HEPHL1: variants seen among roughly 807,000 people sequenced by gnomAD.
HEPHL1 encodes the protein hephaestin like 1, also known as ferroxidase HEPHL1.
HEPHL1 carries 123 observed loss-of-function variants against 122.0 expected under a neutral mutation model. That is an observed-to-expected ratio of 1.01 (90% CI 0.87 to 1.17). The LOEUF is 1.17. HEPHL1 is among the 50% of genes most tolerant of loss of function. The pLI is 0.00. For synonymous variants in HEPHL1, 527 were observed against 508.9 expected, an observed-to-expected ratio of 1.04 and a Z score of -0.48; for missense variants, 1,452 against 1,430.5, an observed-to-expected ratio of 1.01 and a Z score of -0.24.
chr11:94,054,375 C>T (rs540444729), intron 2 of HEPHL1, among the ~76,000 whole-genome samples: 4 of 152,266 alleles, frequency 2.6e-5, no homozygotes, highest in African/African-American at 7.2e-5. Context: ...TAAGTCCATC[C>T]GGGTATTAGG....
At chr11:94,036,426 G>A (rs892813039) in intron 1 of HEPHL1, among the ~76,000 whole-genome samples, 4 of 152,200 alleles carry the variant, frequency 2.6e-5, no homozygotes, top group African/African-American at 9.7e-5. Flanking sequence ...TATGCTGAGA[G>A]GGGTGAGGGA....
intron 2 of HEPHL1, among the ~76,000 whole-genome samples, chr11:94,057,954 G>A (rs1415006437): frequency 1.3e-5 from 2 of 151,882 alleles, no homozygotes; most frequent in Admixed American, 1.3e-4. Flanking sequence ...TCTTTGTTTA[G>A]TAACCTGTGG....
intron 1 of HEPHL1, among the ~76,000 whole-genome samples, chr11:94,035,195 G>A (rs1167090889): frequency 1.3e-5 from 2 of 152,154 alleles, no homozygotes; most frequent in African/African-American, 4.8e-5. Context: ...TTTGAGTAAG[G>A]TATTGAGGTG....
intron 2 of HEPHL1, chr11:94,055,815 T>C: frequency 1.3e-5 from 6 of 446,684 alleles, no homozygotes; most frequent in South Asian, 1.2e-4. Flanking sequence ...GAAAATGAGT[T>C]CCTTTCCATA....
chr11:94,088,944 A>G lies in HEPHL1; in HGVS notation c.2270A>G (p.Gln757Arg), dbSNP rs1207660007. 6.2e-7 allele frequency: 1 copy of G among 1,614,018 alleles called. No homozygotes were observed. The change falls in exon 12 of 20, where the codon CAG (glutamine) becomes CGG (arginine). Residue 757 changes from glutamine (Q) to arginine (R), a missense_variant. Gln to Arg is a conservative substitution (Grantham distance 43). Transcript: ENST00000315765. Reference protein sequence around the residue: ...APNKNWEFEKQHVDARGERHG... With the variant: ...APNKNWEFEKRHVDARGERHG... Reference sequence around the variant, plus strand: ...AACAAAAACTGGGAGTTCGAAAAGCAGCACGTGGACGCAAGAGGGGAAAGG... The same window carrying G: ...AACAAAAACTGGGAGTTCGAAAAGCGGCACGTGGACGCAAGAGGGGAAAGG...
intron 2 of HEPHL1, among the ~76,000 whole-genome samples, chr11:94,054,352 C>T (rs958691718): frequency 6.6e-6 from 1 of 152,182 alleles, no homozygotes; most frequent in African/African-American, 2.4e-5. Context: ...TCTAGGGCTC[C>T]TCTTGCACTA....
intron 13 of HEPHL1, among the ~76,000 whole-genome samples, chr11:94,100,101 G>A (rs960137757): frequency 2.6e-4 from 40 of 152,104 alleles, no homozygotes; most frequent in Non-Finnish European, 5.4e-4. Flanking sequence ...CTTCTGCGTC[G>A]CTCACACTGG....
chr11:94,106,536 C>G (rs1037001428), intron 17 of HEPHL1, among the ~76,000 whole-genome samples: 9 of 151,980 alleles, frequency 5.9e-5, no homozygotes, highest in Non-Finnish European at 1.2e-4. Context: ...ACCTCGTGAT[C>G]TGCCCGCCTC....
chr11:94,104,790 G>A, intron 16 of HEPHL1, 40 bp downstream of exon 16: 1 of 1,433,006 alleles, frequency 7.0e-7, no homozygotes, highest in African/African-American at 1.4e-5. Context: ...GTTGAGATAA[G>A]CTCATAGGAA....
chr11:94,048,205 T>C (rs1945857644), intron 2 of HEPHL1, among the ~76,000 whole-genome samples: 1 of 152,334 alleles, frequency 6.6e-6, no homozygotes, highest in East Asian at 1.9e-4. Flanking sequence ...TGCATGTATA[T>C]ACCACACTTT....
intron 2 of HEPHL1, among the ~76,000 whole-genome samples, chr11:94,057,554 C>T (rs1007876762): frequency 6.6e-6 from 1 of 151,958 alleles, no homozygotes; most frequent in Non-Finnish European, 1.5e-5. Flanking sequence ...TGTTGAGCTC[C>T]TCTAGTATTT....
At chr11:94,062,051 G>A (rs1418042176) in intron 2 of HEPHL1, among the ~76,000 whole-genome samples, 1 of 152,034 alleles carries the variant, frequency 6.6e-6, no homozygotes, top group African/African-American at 2.4e-5. Context: ...AACTAATTAT[G>A]TAGCATATAG....
In HEPHL1 at chr11:94,104,686, T is replaced by C; in HGVS notation, c.2841T>C (p.Tyr947=). The change falls in exon 16 of 20, where the codon TAT becomes TAC. Residue 947 remains tyrosine (Y), a synonymous_variant. Transcript: ENST00000315765. ...SWYLDDNIKK[Y]LNKDPRDFKR... ...ATCTGGATGACAATATTAAGAAGTA[T>C]CTCAACAAAGATCCACGAGATTTTA... The C allele has an allele frequency of 6.2e-7, 1 of 1,613,920 alleles. No individual in the cohort carries two copies. Among genetic ancestry groups the C allele is most frequent in the African/African-American group, 1.3e-5 (1 of 75,050 alleles).
intron 9 of HEPHL1, among the ~76,000 whole-genome samples, chr11:94,079,897 G>A (rs990393130): frequency 5.9e-5 from 9 of 151,964 alleles, no homozygotes; most frequent in Admixed American, 2.0e-4. Flanking sequence ...AGCATTGAGG[G>A]ATAGAAAGGA....
intron 4 of HEPHL1, among the ~76,000 whole-genome samples, chr11:94,065,412 G>A (rs533822730): frequency 9.8e-5 from 15 of 152,298 alleles, no homozygotes; most frequent in Non-Finnish European, 1.8e-4. Flanking sequence ...GATAATTAAT[G>A]CCAGAGAGTT....
chr11:94,071,329 C>T (rs1181161830), intron 6 of HEPHL1, among the ~76,000 whole-genome samples: 2 of 49,414 alleles, frequency 4.0e-5, no homozygotes, highest in Admixed American at 6.1e-4. Context: ...TTTAATTGTA[C>T]ATTTTATTCA....
At position 94,073,093 on chromosome 11, in the gene HEPHL1, C is replaced by T; in HGVS notation, c.1301C>T (p.Thr434Ile). 1.2e-6 allele frequency: 2 copies of T among 1,613,050 alleles called. No homozygotes were observed. The highest frequency in any genetic ancestry group is 1.7e-6 in the Non-Finnish European group (2 of 1,179,314). Residue 434 changes from threonine to isoleucine, a missense_variant, in exon 7 of 20, where the codon ACT (threonine) becomes ATT (isoleucine). By Grantham distance (89) the Thr-to-Ile change is moderately conservative (BLOSUM62 -1). Coordinates refer to ENST00000315765, the MANE Select transcript of HEPHL1 (RefSeq NM_001098672.2). ...IGGKYWKVRYTEFVDATFTKR... is the reference protein window; with the variant it reads ...IGGKYWKVRYIEFVDATFTKR... ...GGAAAATACTGGAAGGTTCGGTATACTGAATTTGTTGATGCAACTTTTACT... is the reference window on the plus strand; with the variant it reads ...GGAAAATACTGGAAGGTTCGGTATATTGAATTTGTTGATGCAACTTTTACT...
intron 9 of HEPHL1, among the ~76,000 whole-genome samples, chr11:94,080,537 C>A (rs1946162010): frequency 6.6e-6 from 1 of 152,162 alleles, no homozygotes; most frequent in Non-Finnish European, 1.5e-5. Flanking sequence ...GACATCTTTG[C>A]AATCTATCCA....
chr11:94,053,801 T>C (rs559151305), intron 2 of HEPHL1, among the ~76,000 whole-genome samples: 1 of 152,328 alleles, frequency 6.6e-6, no homozygotes, highest in Non-Finnish European at 1.5e-5. Context: ...TTAATTCCAT[T>C]GTGATTGAAA....
Sources: gnomAD v4.1 joint callset for allele counts (sites outside exome capture counted in the v4.1 genomes callset) on GRCh38, gnomAD v4.1.1 for gene constraint, MANE v1.5 for transcripts, NCBI Gene and HGNC (gene_info 2026-07-23, HGNC 2026-07-21) for gene names.